Variants in SLC16A2 observed in about 807,000 individuals in gnomAD.
SLC16A2 encodes the protein monocarboxylate transporter 8.
A neutral mutation model predicts 27.2 loss-of-function variants in SLC16A2; 3 were observed. The observed-to-expected ratio is 0.11, with a 90% CI of 0.05 to 0.28. The LOEUF (loss-of-function observed/expected upper bound fraction) is 0.28. SLC16A2 is among the 10% of genes least tolerant of loss of function. SLC16A2 has a pLI of 1.00. For missense variants in SLC16A2, 295 were observed against 458.5 expected (o/e 0.64, Z 3.26); for synonymous variants, 202 against 187.8 (o/e 1.08, Z -0.62).
chrX:74,478,260 T>G (rs779909182), intron 1 of SLC16A2, among the ~76,000 whole-genome samples: 2 of 111,814 alleles, frequency 1.8e-5, no homozygotes, highest in Admixed American at 1.9e-4. Flanking sequence ...TTTGTCTCTT[T>G]TGATCTTTGT....
At chrX:74,429,741 GTTAGCACAGTTAC>G (rs1170783257) in intron 1 of SLC16A2, among the ~76,000 whole-genome samples, 1 of 111,982 alleles carries the variant, frequency 8.9e-6, no homozygotes, top group Non-Finnish European at 1.9e-5. Flanking sequence ...GTCCAAGCCG[GTTAGCACAGTTAC>G]TTAGAACATG....
chrX:74,494,715 T>G (rs1469134599), intron 1 of SLC16A2, among the ~76,000 whole-genome samples: 2 of 111,234 alleles, frequency 1.8e-5, no homozygotes, highest in African/African-American at 6.6e-5. Context: ...TCCACTTTGA[T>G]TTACAGAAGG....
At chrX:74,518,453 T>C (rs770656613) in intron 1 of SLC16A2, among the ~76,000 whole-genome samples, 1 of 110,548 alleles carries the variant, frequency 9.0e-6, no homozygotes, top group South Asian at 3.9e-4. Context: ...AAATTAGGCA[T>C]GGTGGCGTGC....
chrX:74,426,310 G>A (rs143316877), intron 1 of SLC16A2, among the ~76,000 whole-genome samples: 5 of 112,041 alleles, frequency 4.5e-5, no homozygotes, highest in Admixed American at 9.5e-5. Flanking sequence ...CATCTCTCAC[G>A]TCATTCCCCT....
intron 1 of SLC16A2, among the ~76,000 whole-genome samples, chrX:74,502,767 A>G (rs1930058728): frequency 1.8e-5 from 2 of 111,436 alleles, no homozygotes; most frequent in African/African-American, 6.5e-5. Context: ...CCCACAACGG[A>G]CCCTGACAAT....
chrX:74,439,241 TC>T (rs1220709178), intron 1 of SLC16A2, among the ~76,000 whole-genome samples: 1 of 102,389 alleles, frequency 9.8e-6, no homozygotes, highest in African/African-American at 3.6e-5. Flanking sequence ...TCTCTTTCTT[TC>T]TTTCTTTCTT....
chrX:74,437,474 C>T (rs1157916757), intron 1 of SLC16A2, among the ~76,000 whole-genome samples: 1 of 112,228 alleles, frequency 8.9e-6, no homozygotes, highest in Non-Finnish European at 1.9e-5. Context: ...TTACCCTACA[C>T]ATCTTGGCCA....
chrX:74,486,436 C>A (rs550243362), intron 1 of SLC16A2, among the ~76,000 whole-genome samples: 1 of 112,356 alleles, frequency 8.9e-6, no homozygotes, highest in South Asian at 3.7e-4. Flanking sequence ...GACAATCTGA[C>A]CTTGACCTAA....
chrX:74,443,427 C>A (rs1486747846), intron 1 of SLC16A2, among the ~76,000 whole-genome samples: 1 of 111,904 alleles, frequency 8.9e-6, no homozygotes, highest in Non-Finnish European at 1.9e-5. Flanking sequence ...TGGCTGTAAT[C>A]TGCCATTCTC....
intron 1 of SLC16A2, among the ~76,000 whole-genome samples, chrX:74,470,317 G>C (rs1374105384): frequency 8.9e-6 from 1 of 112,169 alleles, no homozygotes; most frequent in African/African-American, 3.2e-5. Flanking sequence ...ATAGGTTTTT[G>C]ACCCACTTGG....
At chrX:74,484,547 A>G (rs1244324033) in intron 1 of SLC16A2, among the ~76,000 whole-genome samples, 1 of 111,918 alleles carries the variant, frequency 8.9e-6, no homozygotes, top group Non-Finnish European at 1.9e-5. Flanking sequence ...GTTGATGTTA[A>G]TAACAGAGAG....
At chrX:74,493,365 A>G (rs192763702) in intron 1 of SLC16A2, among the ~76,000 whole-genome samples, 8 of 111,949 alleles carry the variant, frequency 7.1e-5, no homozygotes, top group Non-Finnish European at 1.5e-4. Context: ...CCTCCTAGAG[A>G]TCAGGAAACT....
At chrX:74,427,805 G>GCA (rs778832120) in intron 1 of SLC16A2, among the ~76,000 whole-genome samples, 2 of 70,831 alleles carry the variant, frequency 2.8e-5, no homozygotes, top group Non-Finnish European at 5.2e-5. Flanking sequence ...ACGCGTGCAC[G>GCA]CGCGCGCACA....
rs762494282 is a variant in SLC16A2 at position 74,490,075 on chromosome X, A to C, written c.431-30915A>C. Among the ~76,000 whole-genome samples the C allele has an allele frequency of 6.2e-3, 354 of 57,358 alleles. 1 individual carries two copies. Among genetic ancestry groups the C allele is most frequent in the Admixed American group, 0.016 (68 of 4,164 alleles). The allele number at this position is 57,358 out of a possible 115,157, so 49.8% of individuals were successfully genotyped here. The stretch of plus-strand genomic sequence containing the variant: ...GATAAATACAAATTCACTGGCTTGC[A>C]AAAAAAAAAATAGTTAGATCCAAGT... On this transcript the variant is annotated intron_variant, in intron 1 of 5. Transcript: ENST00000587091.
rs1405508619 is a variant in SLC16A2, at chrX:74,532,447, G to C, written c.*894G>C. 2 of 112,076 alleles carry C rather than the reference G, an allele frequency of 1.8e-5. No individual in the cohort carries two copies. The highest frequency in any genetic ancestry group is 6.5e-5 in the African/African-American group (2 of 30,681). 9.2% of individuals were successfully genotyped at this position (112,076 alleles called of 1,213,427 possible). Reference sequence around the variant, plus strand: ...GATTTTTACAAATCTTACAGTCCAAGGCATTAACCTCAAGGCCCTCCCAGC... The same window carrying C: ...GATTTTTACAAATCTTACAGTCCAACGCATTAACCTCAAGGCCCTCCCAGC... On this transcript the variant is annotated 3_prime_UTR_variant, in exon 6 of 6. Transcript: ENST00000587091.
chrX:74,433,712 A>AT (rs1354796767), intron 1 of SLC16A2, among the ~76,000 whole-genome samples: 3 of 111,410 alleles, frequency 2.7e-5, no homozygotes, highest in Non-Finnish European at 3.8e-5. Flanking sequence ...TAAAGTCTTC[A>AT]TTTTTTTTAA....
intron 1 of SLC16A2, among the ~76,000 whole-genome samples, chrX:74,466,131 G>A (rs1000533285): frequency 9.0e-6 from 1 of 111,461 alleles, no homozygotes; most frequent in Admixed American, 9.6e-5. Context: ...GGTGGATTCA[G>A]ACTCCATACT....
chrX:74,421,598 C>T lies in SLC16A2; in HGVS notation c.-40C>T. The stretch of plus-strand genomic sequence containing the variant: ...GCAGAAACAAGTACCAGCCACAAAG[C>T]GGCTCCTCTGGCCCAAGCAGCCACA... On this transcript the variant is annotated 5_prime_UTR_variant, in exon 1 of 6. Coordinates refer to ENST00000587091, the MANE Select transcript of SLC16A2 (RefSeq NM_006517.5). 2 of 1,196,345 alleles carry T rather than the reference C, an allele frequency of 1.7e-6. No homozygotes were observed. The highest frequency in any genetic ancestry group is 2.3e-6 in the Non-Finnish European group (2 of 887,805).
intron 1 of SLC16A2, chrX:74,473,100 C>T: frequency 1.8e-6 from 1 of 551,499 alleles, no homozygotes; most frequent in Non-Finnish European, 3.2e-6. Flanking sequence ...AAAGAATTGG[C>T]CTCCACCACC....
Sources: allele counts gnomAD v4.1 joint callset (sites outside exome capture counted in the v4.1 genomes callset), GRCh38; gene constraint gnomAD v4.1.1; transcripts MANE v1.5; gene names NCBI Gene and HGNC (gene_info 2026-07-23, HGNC 2026-07-21).